MAP3K13: variants seen among roughly 807,000 people sequenced by gnomAD.
MAP3K13 encodes the protein leucine zipper-bearing kinase.
Under a neutral mutation model 104.0 loss-of-function variants are expected in MAP3K13, and 52 were observed. The ratio of observed to expected loss-of-function variants is 0.50; its 90% CI spans 0.40 to 0.63. The LOEUF is 0.63. Among genes scored for constraint, MAP3K13 ranks in the 20% least tolerant of loss-of-function variants. MAP3K13 has a pLI of 0.00. For missense variants in MAP3K13, 914 were observed against 1,218.5 expected, an observed-to-expected ratio of 0.75 and a Z score of 3.72; for synonymous variants, 394 against 442.2, an observed-to-expected ratio of 0.89 and a Z score of 1.37.
Position 185,450,376 on chromosome 3 carries a change from A to T in MAP3K13, c.1169+318A>T, listed in dbSNP as rs1715815845. Among the ~76,000 whole-genome samples the T allele has an allele frequency of 6.6e-6, 1 of 152,190 alleles. No individual in the cohort carries two copies. Among genetic ancestry groups the T allele is most frequent in the Non-Finnish European group, 1.5e-5 (1 of 68,026 alleles). ...ACTATTTCTTTGCTAGTCCTAATGGACTATTATTAAATAGGTCACTAATCC... is the reference window on the plus strand; with the variant it reads ...ACTATTTCTTTGCTAGTCCTAATGGTCTATTATTAAATAGGTCACTAATCC... On this transcript the variant is annotated intron_variant, in intron 6 of 13. Transcript: ENST00000265026. This position sits in a 1 kb window ranked among gnomAD's most constrained non-coding sequence, Gnocchi z 4.2.
rs1452920778 is a variant in MAP3K13, at chr3:185,485,119, A to G, written c.*2663A>G. 1.3e-5 allele frequency: 2 copies of G among 152,186 alleles called. No homozygotes were observed. Among genetic ancestry groups the G allele is most frequent in the African/African-American group, 4.8e-5 (2 of 41,446 alleles). 9.4% of individuals were successfully genotyped at this position (152,186 alleles called of 1,614,324 possible). A position where few individuals can be genotyped will look rare whatever the true frequency, so the allele number is the denominator to read the frequency against. ...TGGACATATAGTTAAAAAGCTGTAA[A>G]CTTTCTAAAGTTTCTTAGGAAATAA... On this transcript the variant is annotated 3_prime_UTR_variant, in exon 14 of 14. Coordinates refer to ENST00000265026, the MANE Select transcript of MAP3K13 (RefSeq NM_004721.5).
At chr3:185,351,651 G>C (rs1723144639) in intron 2 of MAP3K13, among the ~76,000 whole-genome samples, 1 of 152,168 alleles carries the variant, frequency 6.6e-6, no homozygotes, top group African/African-American at 2.4e-5. Flanking sequence ...ATTTCTCCCA[G>C]TATCTTGGTT....
At position 185,450,105 on chromosome 3, in the gene MAP3K13, T is replaced by G; in HGVS notation, c.1169+47T>G. On this transcript the variant is annotated intron_variant, in intron 6 of 13. Coordinates refer to ENST00000265026, the MANE Select transcript of MAP3K13 (RefSeq NM_004721.5). The surrounding 1 kb of genome is among the most constrained non-coding windows in gnomAD (Gnocchi z 4.2). ...CAATAGGGAGGTCTCTAATGTGTATTTGGAGTAAATATCCTGGTGGTGGAA... is the reference window on the plus strand; with the variant it reads ...CAATAGGGAGGTCTCTAATGTGTATGTGGAGTAAATATCCTGGTGGTGGAA... 1.4e-6 allele frequency: 2 copies of G among 1,478,820 alleles called. No homozygotes were observed. 91.6% of individuals were successfully genotyped at this position (1,478,820 alleles called of 1,614,324 possible).
At chr3:185,379,914 A>G (rs7429002) in intron 1 of MAP3K13, among the ~76,000 whole-genome samples, 52,191 of 151,932 alleles carry the variant, frequency 0.34, 9,135 homozygotes, top group East Asian at 0.41. Flanking sequence ...GGCCGGGTGC[A>G]GTGGCTCACG....
intron 2 of MAP3K13, among the ~76,000 whole-genome samples, chr3:185,340,162 G>A (rs1293663433): frequency 1.3e-5 from 2 of 152,094 alleles, no homozygotes; most frequent in East Asian, 3.9e-4. Flanking sequence ...CTGAGCACGA[G>A]ATTATGAGTT....
At chr3:185,286,743 C>T (rs972005016) in intron 2 of MAP3K13, among the ~76,000 whole-genome samples, 1 of 152,072 alleles carries the variant, frequency 6.6e-6, no homozygotes, top group Non-Finnish European at 1.5e-5. Context: ...AAAACTTCTT[C>T]AAACCAGTGT....
At chr3:185,357,447 T>TAAAAAAAAAAAAAAAAAAAAAAAAAA (rs71162295) in intron 2 of MAP3K13, among the ~76,000 whole-genome samples, 2 of 91,394 alleles carry the variant, frequency 2.2e-5, no homozygotes, top group African/African-American at 4.1e-5. Flanking sequence ...AAACTCCATC[T>TAAAAAAAAAAAAAAAAAAAAAAAAAA]AAAAAAAAAA....
Position 185,299,940 on chromosome 3 carries a change from CAG to C in MAP3K13, c.-86+14299_-86+14300del, listed in dbSNP as rs200075951. ...TAACGGTATATATATTGTTGTGAAA[CAG>C]ATCTCTAGAACTTCTTCATCTTGCA... On this transcript the variant is annotated intron_variant, in intron 2 of 14. Transcript: ENST00000424227. 3.7e-3 allele frequency among the ~76,000 whole-genome samples: 564 copies of C among 152,188 alleles called. 3 individuals are homozygous for C. Among genetic ancestry groups the C allele is most frequent in the African/African-American group, 0.012 (518 of 41,514 alleles).
intron 1 of MAP3K13, among the ~76,000 whole-genome samples, chr3:185,397,388 T>G (rs1712488553): frequency 6.6e-6 from 1 of 152,190 alleles, no homozygotes; most frequent in Non-Finnish European, 1.5e-5. Flanking sequence ...AACAAATAAT[T>G]TATGGCCCAG....
At chr3:185,300,597 AT>A (rs1268859337) in intron 2 of MAP3K13, among the ~76,000 whole-genome samples, 4 of 152,040 alleles carry the variant, frequency 2.6e-5, no homozygotes, top group Non-Finnish European at 5.9e-5. Flanking sequence ...GGTTCAAGCA[AT>A]TATTCTGCCT....
intron 7 of MAP3K13, among the ~76,000 whole-genome samples, chr3:185,458,820 C>A (rs1359958273): frequency 6.6e-6 from 1 of 152,188 alleles, no homozygotes; most frequent in African/African-American, 2.4e-5. Flanking sequence ...TGTTTTTCGT[C>A]AACAGCACAT....
At chr3:185,351,729 G>C (rs1723146728) in intron 2 of MAP3K13, among the ~76,000 whole-genome samples, 1 of 152,136 alleles carries the variant, frequency 6.6e-6, no homozygotes, top group Non-Finnish European at 1.5e-5. Flanking sequence ...GAATAGCCAC[G>C]TAACACCAAG....
rs1215043986 is a variant in MAP3K13 at position 185,428,555 on chromosome 3, C to T, written c.-27C>T. 1 of 1,536,984 alleles carries T rather than the reference C, an allele frequency of 6.5e-7. No homozygotes were observed. Among genetic ancestry groups the T allele is most frequent in the Non-Finnish European group, 8.8e-7 (1 of 1,142,468 alleles). Reference sequence around the variant, plus strand: ...CCCAAAAATCTTCTGAGTGTCATCTCAGGACTTTGGTTATACTCATGGCAC... The same window carrying T: ...CCCAAAAATCTTCTGAGTGTCATCTTAGGACTTTGGTTATACTCATGGCAC... On this transcript the variant is annotated 5_prime_UTR_variant, in exon 2 of 14. Coordinates refer to ENST00000265026, the MANE Select transcript of MAP3K13 (RefSeq NM_004721.5).
At chr3:185,464,970 C>A (rs191704805) in intron 8 of MAP3K13, among the ~76,000 whole-genome samples, 1 of 152,178 alleles carries the variant, frequency 6.6e-6, no homozygotes, top group East Asian at 1.9e-4. Flanking sequence ...TAATCACCTC[C>A]TAAAGACCCC....
intron 2 of MAP3K13, chr3:185,329,356 T>G: frequency 3.1e-6 from 2 of 643,232 alleles, no homozygotes; most frequent in African/African-American, 1.8e-5. Context: ...AGTTACAGAT[T>G]CATGTCAGCA....
At chr3:185,441,363 G>A (rs547172542) in intron 3 of MAP3K13, among the ~76,000 whole-genome samples, 4 of 152,212 alleles carry the variant, frequency 2.6e-5, no homozygotes, top group South Asian at 4.2e-4. Flanking sequence ...TGAAGTTAAC[G>A]AACATTTGCT....
At chr3:185,470,627 G>A (rs776242571) in intron 10 of MAP3K13, among the ~76,000 whole-genome samples, 3 of 152,088 alleles carry the variant, frequency 2.0e-5, no homozygotes, top group Non-Finnish European at 4.4e-5. Flanking sequence ...AAGAGTCCTT[G>A]CTTTCTAGGG....
intron 1 of MAP3K13, among the ~76,000 whole-genome samples, chr3:185,421,509 T>C (rs550730341): frequency 6.6e-6 from 1 of 152,290 alleles, no homozygotes; most frequent in Admixed American, 6.5e-5. Context: ...CCATAGTACT[T>C]TCTTTTGATA....
intron 1 of MAP3K13, among the ~76,000 whole-genome samples, chr3:185,369,386 C>T (rs1724046569): frequency 6.6e-6 from 1 of 152,172 alleles, no homozygotes; most frequent in African/African-American, 2.4e-5. Flanking sequence ...TCCTAAAAGT[C>T]AAAGTGAATA....
Sources: gnomAD v4.1 joint callset for allele counts (sites outside exome capture counted in the v4.1 genomes callset) on GRCh38, gnomAD v4.1.1 for gene constraint, Gnocchi (gnomAD v3.1) non-coding constraint, MANE v1.5 for transcripts, NCBI Gene and HGNC (gene_info 2026-07-23, HGNC 2026-07-21) for gene names.